Variants in AKAP6 observed in about 807,000 individuals in gnomAD.
The protein encoded by AKAP6 is A-kinase anchoring protein 6.
In AKAP6, 58 loss-of-function variants were observed where a neutral mutation model predicts 188.5. The observed-to-expected ratio is 0.31, with a 90% CI of 0.25 to 0.38. AKAP6 has a LOEUF of 0.38. Ranked by LOEUF, AKAP6 falls within the 10% of genes least tolerant of loss-of-function variation. AKAP6 has a pLI of 1.00. For synonymous variants in AKAP6, 989 were observed against 998.6 expected (o/e 0.99, Z 0.18); for missense variants, 2,710 against 2,740.0 (o/e 0.99, Z 0.24).
At chr14:32,420,715 C>G (rs1319605517) in intron 1 of AKAP6, among the ~76,000 whole-genome samples, 2 of 152,070 alleles carry the variant, frequency 1.3e-5, no homozygotes, top group Non-Finnish European at 1.5e-5. Flanking sequence ...AGCCTTCTGA[C>G]CTGTTGTAGT....
chr14:32,422,652 C>G (rs1055555335), intron 1 of AKAP6, among the ~76,000 whole-genome samples: 3 of 152,192 alleles, frequency 2.0e-5, no homozygotes, highest in Non-Finnish European at 2.9e-5. Context: ...AACCCTTTGA[C>G]CACATGGTTG....
intron 1 of AKAP6, among the ~76,000 whole-genome samples, chr14:32,382,758 CTT>C (rs1888406270): frequency 1.3e-5 from 2 of 152,158 alleles, no homozygotes; most frequent in South Asian, 4.2e-4. Flanking sequence ...TGTATACCAG[CTT>C]TGTTTTTCAT....
At chr14:32,694,983 G>C (rs78038873) in intron 8 of AKAP6, among the ~76,000 whole-genome samples, 1,697 of 152,144 alleles carry the variant, frequency 0.011, 28 homozygotes, top group African/African-American at 0.039. Context: ...GATTTTGAGG[G>C]GTAAAGGACA....
At chr14:32,602,633 G>A (rs558811596) in intron 7 of AKAP6, among the ~76,000 whole-genome samples, 12 of 152,296 alleles carry the variant, frequency 7.9e-5, no homozygotes, top group Middle Eastern at 3.4e-3. Context: ...AGAATACACT[G>A]AGGGCCTACT....
intron 9 of AKAP6, among the ~76,000 whole-genome samples, chr14:32,716,126 G>A (rs1476674617): frequency 6.6e-6 from 1 of 151,728 alleles, no homozygotes; most frequent in Admixed American, 6.6e-5. Flanking sequence ...CTGATTCCAG[G>A]CATATATTTA....
intron 12 of AKAP6, among the ~76,000 whole-genome samples, chr14:32,811,170 C>T (rs987618737): frequency 2.0e-5 from 3 of 146,910 alleles, no homozygotes; most frequent in Non-Finnish European, 3.0e-5. Flanking sequence ...ACCCGGGAGG[C>T]GCAGCTTGCA....
At chr14:32,494,847 C>T (rs529862630) in intron 2 of AKAP6, among the ~76,000 whole-genome samples, 1 of 152,232 alleles carries the variant, frequency 6.6e-6, no homozygotes, top group African/African-American at 2.4e-5. Context: ...TGTATAACTT[C>T]AGTGTTTCCC....
chr14:32,589,708 T>A (rs1885402783), intron 5 of AKAP6, among the ~76,000 whole-genome samples: 1 of 152,244 alleles, frequency 6.6e-6, no homozygotes, highest in Non-Finnish European at 1.5e-5. Context: ...GATATTTTAC[T>A]AATTTATTAC....
intron 8 of AKAP6, among the ~76,000 whole-genome samples, chr14:32,685,333 G>A (rs1401884580): frequency 6.6e-6 from 1 of 152,024 alleles, no homozygotes; most frequent in Non-Finnish European, 1.5e-5. Flanking sequence ...TACTGAGAAG[G>A]GCTACCTAAT....
intron 2 of AKAP6, among the ~76,000 whole-genome samples, chr14:32,445,407 C>G (rs1890723328): frequency 6.6e-6 from 1 of 152,090 alleles, no homozygotes; most frequent in African/African-American, 2.4e-5. Context: ...GAGTCTCACT[C>G]TGTTGCCCAG....
chr14:32,476,886 C>T (rs1367185743), intron 2 of AKAP6, among the ~76,000 whole-genome samples: 1 of 152,168 alleles, frequency 6.6e-6, no homozygotes, highest in African/African-American at 2.4e-5. Context: ...TAGGCAAAGT[C>T]ATCAATCAAT....
chr14:32,764,549 A>G (rs1218684751), intron 11 of AKAP6, among the ~76,000 whole-genome samples: 5 of 152,340 alleles, frequency 3.3e-5, no homozygotes, highest in Admixed American at 1.3e-4. Flanking sequence ...GCAATGTAGC[A>G]TATTGTTTTT....
chr14:32,708,791 C>T (rs1388783915), intron 9 of AKAP6, among the ~76,000 whole-genome samples: 1 of 152,006 alleles, frequency 6.6e-6, no homozygotes, highest in Non-Finnish European at 1.5e-5. Context: ...TTTGGGTTTA[C>T]TGTTTTCCCA....
intron 12 of AKAP6, among the ~76,000 whole-genome samples, chr14:32,810,399 G>T (rs377389834): frequency 3.3e-5 from 5 of 152,070 alleles, no homozygotes; most frequent in Non-Finnish European, 4.4e-5. Context: ...TCAAGAGCCC[G>T]TGTAAGAGCC....
At chr14:32,672,901 A>G (rs75751980) in intron 7 of AKAP6, among the ~76,000 whole-genome samples, 2,245 of 152,314 alleles carry the variant, frequency 0.015, 53 homozygotes, top group African/African-American at 0.048. Flanking sequence ...GTCATGACAG[A>G]AAAAGAGAGA....
intron 11 of AKAP6, among the ~76,000 whole-genome samples, chr14:32,742,857 A>G (rs770975824): frequency 7.2e-5 from 11 of 152,138 alleles, no homozygotes; most frequent in Admixed American, 6.5e-5. Flanking sequence ...TCTTGGATGA[A>G]AAGTTCTGAA....
intron 2 of AKAP6, among the ~76,000 whole-genome samples, chr14:32,516,314 T>C (rs1881519690): frequency 6.6e-6 from 1 of 152,216 alleles, no homozygotes; most frequent in Admixed American, 6.5e-5. Context: ...AGCCTTTTTT[T>C]CCTTCTGGAT....
chr14:32,647,154 G>A (rs1351796007), intron 7 of AKAP6, among the ~76,000 whole-genome samples: 5 of 151,998 alleles, frequency 3.3e-5, no homozygotes, highest in African/African-American at 9.7e-5. Context: ...ATGAAAAACC[G>A]TGCTTCATAT....
chr14:32,396,472 G>A (rs944736967), intron 1 of AKAP6, among the ~76,000 whole-genome samples: 12 of 152,092 alleles, frequency 7.9e-5, no homozygotes, highest in Non-Finnish European at 1.6e-4. Context: ...TCTGCAGGTG[G>A]ACTCCACCCC....
Sources: allele counts gnomAD v4.1 joint callset (sites outside exome capture counted in the v4.1 genomes callset), GRCh38; gene constraint gnomAD v4.1.1; transcripts MANE v1.5; gene names NCBI Gene and HGNC (gene_info 2026-07-23, HGNC 2026-07-21).